ZFYVE28: variants seen among roughly 807,000 people sequenced by gnomAD.
ZFYVE28 encodes the protein zinc finger FYVE-type containing 28, also known as lateral signaling target protein 2 homolog.
A neutral mutation model predicts 82.1 loss-of-function variants in ZFYVE28; 40 were observed. The ratio of observed to expected loss-of-function variants is 0.49; its 90% CI spans 0.38 to 0.63. The LOEUF (loss-of-function observed/expected upper bound fraction) is 0.63. Ranked by LOEUF, ZFYVE28 falls within the 30% of genes least tolerant of loss-of-function variation. The pLI, the probability that ZFYVE28 is intolerant of heterozygous loss-of-function variation, is 0.00. For synonymous variants in ZFYVE28, 612 were observed against 546.1 expected (o/e 1.12, Z -1.68); for missense variants, 1,321 against 1,242.1 (o/e 1.06, Z -0.96).
rs186490720 is a variant in ZFYVE28 at position 2,346,555 on chromosome 4, G to C, written c.181-4940C>G. 1.3e-3 allele frequency among the ~76,000 whole-genome samples: 197 copies of C among 152,134 alleles called. 2 individuals carry two copies. Among genetic ancestry groups the C allele is most frequent in the African/African-American group, 4.6e-3 (189 of 41,494 alleles). On this transcript the variant is annotated intron_variant, in intron 2 of 12. Coordinates refer to ENST00000290974, the MANE Select transcript of ZFYVE28 (RefSeq NM_020972.3). Reference sequence around the variant, plus strand: ...ATGAAAAAAATACCCTAACAACATAGTGTGAGTCTGTAACATACAAAAGTA... The same window carrying C: ...ATGAAAAAAATACCCTAACAACATACTGTGAGTCTGTAACATACAAAAGTA...
intron 1 of ZFYVE28, among the ~76,000 whole-genome samples, chr4:2,407,353 G>T (rs1049904521): frequency 1.3e-5 from 2 of 151,968 alleles, no homozygotes; most frequent in Non-Finnish European, 2.9e-5. Context: ...CAGTCCTCCA[G>T]GCCTCCAGTA....
chr4:2,377,772 G>A (rs1248497832), intron 1 of ZFYVE28, among the ~76,000 whole-genome samples: 1 of 152,196 alleles, frequency 6.6e-6, no homozygotes, highest in East Asian at 1.9e-4. Flanking sequence ...ATACATCTCA[G>A]TGTGGATTTA....
At chr4:2,317,847 G>T (rs1718455241) in intron 7 of ZFYVE28, among the ~76,000 whole-genome samples, 2 of 152,142 alleles carry the variant, frequency 1.3e-5, no homozygotes, top group South Asian at 4.1e-4. Context: ...TGGCCAGGCT[G>T]GTCTCAAACT....
At chr4:2,392,179 A>G (rs898981932) in intron 1 of ZFYVE28, among the ~76,000 whole-genome samples, 2 of 151,242 alleles carry the variant, frequency 1.3e-5, no homozygotes, top group Non-Finnish European at 2.9e-5. Context: ...GTGGGGAGGC[A>G]TATTTTATGT....
intron 1 of ZFYVE28, among the ~76,000 whole-genome samples, chr4:2,393,492 C>A (rs1730053926): frequency 6.6e-6 from 1 of 152,202 alleles, no homozygotes; most frequent in East Asian, 1.9e-4. Flanking sequence ...GTGGGACCTG[C>A]CATAACCACC....
At chr4:2,327,251 AAT>A (rs67940269) in intron 6 of ZFYVE28, among the ~76,000 whole-genome samples, 19 of 87,258 alleles carry the variant, frequency 2.2e-4, no homozygotes, top group Non-Finnish European at 3.2e-4. Flanking sequence ...CTCCATCTCA[AAT>A]ATATATATAT....
chr4:2,289,195 T>C (rs551819182), intron 8 of ZFYVE28, among the ~76,000 whole-genome samples: 44 of 152,042 alleles, frequency 2.9e-4, no homozygotes, highest in Non-Finnish European at 5.4e-4. Context: ...GGCATGAGAA[T>C]TGCTTTAACC....
At chr4:2,322,510 A>G (rs558896292) in intron 6 of ZFYVE28, among the ~76,000 whole-genome samples, 1 of 152,284 alleles carries the variant, frequency 6.6e-6, no homozygotes, top group African/African-American at 2.4e-5. Context: ...GCCCAGGTCC[A>G]GCTAAGGTGA....
chr4:2,296,436 G>T (rs568669625), intron 8 of ZFYVE28, among the ~76,000 whole-genome samples: 3 of 152,206 alleles, frequency 2.0e-5, no homozygotes, highest in Admixed American at 6.5e-5. Context: ...AGGAGGCCCC[G>T]TCACTTATAA....
chr4:2,329,206 T>C, intron 6 of ZFYVE28: 8 of 644,852 alleles, frequency 1.2e-5, no homozygotes, highest in Non-Finnish European at 2.0e-5. Context: ...GATCACTTTA[T>C]GGAGTATTGC....
At chr4:2,284,887 G>A (rs558802024) in intron 8 of ZFYVE28, among the ~76,000 whole-genome samples, 1 of 152,192 alleles carries the variant, frequency 6.6e-6, no homozygotes, top group Non-Finnish European at 1.5e-5. Context: ...AGTCTAGTAC[G>A]GCAAGGATTT....
At chr4:2,383,971 G>A (rs1156290308) in intron 1 of ZFYVE28, among the ~76,000 whole-genome samples, 2 of 152,308 alleles carry the variant, frequency 1.3e-5, no homozygotes, top group Non-Finnish European at 2.9e-5. Flanking sequence ...ATGCCCTGAT[G>A]ACCTAAGATG....
At chr4:2,333,117 C>A (rs918144278) in intron 6 of ZFYVE28, among the ~76,000 whole-genome samples, 7 of 151,898 alleles carry the variant, frequency 4.6e-5, no homozygotes, top group Non-Finnish European at 8.8e-5. Flanking sequence ...CAGGAGGGGA[C>A]CCGCGGGACA....
intron 1 of ZFYVE28, among the ~76,000 whole-genome samples, chr4:2,413,851 C>A (rs1400372260): frequency 2.0e-5 from 3 of 152,164 alleles, no homozygotes; most frequent in Non-Finnish European, 4.4e-5. Context: ...CTCTCATAGG[C>A]CCCACTCGTG....
At chr4:2,370,783 C>T (rs925943940) in intron 1 of ZFYVE28, among the ~76,000 whole-genome samples, 9 of 152,184 alleles carry the variant, frequency 5.9e-5, no homozygotes, top group Non-Finnish European at 1.0e-4. Context: ...GATTGCACAC[C>T]ACATCCCTCG....
chr4:2,314,254 T>C (rs1717898298), intron 7 of ZFYVE28, among the ~76,000 whole-genome samples: 1 of 152,258 alleles, frequency 6.6e-6, no homozygotes, highest in Non-Finnish European at 1.5e-5. Context: ...GTTTATGTTG[T>C]CTATTTACTC....
In ZFYVE28 at chr4:2,344,828, G is replaced by A. The variant is rs901807119; in HGVS notation, c.181-3213C>T. On this transcript the variant is annotated intron_variant, in intron 2 of 12. Transcript: ENST00000290974. ...GGAGAATCGCTTGAACCTGGGAGGT[G>A]GAGATTGCGGTGAGCTGAGATCATG... Among the ~76,000 whole-genome samples the A allele has an allele frequency of 2.0e-5, 3 of 151,922 alleles. No homozygotes were observed. In the South Asian group the frequency reaches 6.2e-4, roughly 32 times the overall value.
chr4:2,314,463 T>C (rs930300762), intron 7 of ZFYVE28, among the ~76,000 whole-genome samples: 13 of 152,224 alleles, frequency 8.5e-5, no homozygotes, highest in African/African-American at 3.1e-4. Context: ...GTCCATTTGT[T>C]GTATCTTCTC....
intron 1 of ZFYVE28, among the ~76,000 whole-genome samples, chr4:2,412,262 C>G (rs1425819923): frequency 1.3e-5 from 2 of 152,168 alleles, no homozygotes; most frequent in African/African-American, 4.8e-5. Flanking sequence ...GTGATGGCCT[C>G]TGAGACTCCA....
Sources: allele counts gnomAD v4.1 joint callset (sites outside exome capture counted in the v4.1 genomes callset), GRCh38; gene constraint gnomAD v4.1.1; transcripts MANE v1.5; gene names NCBI Gene and HGNC (gene_info 2026-07-23, HGNC 2026-07-21).